Variants in MCTP2 observed in about 807,000 individuals in gnomAD.
The protein encoded by MCTP2 is multiple C2 and transmembrane domain containing 2.
In MCTP2, 132 loss-of-function variants were observed where a neutral mutation model predicts 111.6. The observed-to-expected ratio is 1.18, with a 90% CI of 1.03 to 1.37. The LOEUF (loss-of-function observed/expected upper bound fraction) is 1.37, where lower values mean the gene tolerates loss of function less well. Among genes scored for constraint, MCTP2 ranks in the 40% most tolerant of loss-of-function variants. MCTP2 has a pLI of 0.00. For missense variants in MCTP2, 1,183 were observed against 1,067.9 expected, an observed-to-expected ratio of 1.11 and a Z score of -1.50; for synonymous variants, 395 against 387.7, an observed-to-expected ratio of 1.02 and a Z score of -0.22.
intron 19 of MCTP2, among the ~76,000 whole-genome samples, chr15:94,443,902 A>C (rs2083938004): frequency 7.2e-6 from 1 of 138,970 alleles, no homozygotes; most frequent in East Asian, 2.3e-4. Flanking sequence ...GATGTTAGCT[A>C]GCGGTTTCTG....
chr15:94,466,173 TTAAACA>T (rs1417067366), intron 20 of MCTP2, among the ~76,000 whole-genome samples: 3 of 152,196 alleles, frequency 2.0e-5, no homozygotes, highest in African/African-American at 7.2e-5. Flanking sequence ...TTTTAACATA[TTAAACA>T]TTATGATTTA....
At chr15:94,280,590 A>G (rs895280385) in intron 1 of MCTP2, among the ~76,000 whole-genome samples, 1 of 151,180 alleles carries the variant, frequency 6.6e-6, no homozygotes, top group East Asian at 1.9e-4. Flanking sequence ...TTGTGTCTCA[A>G]TTTGATTCAG....
At chr15:94,363,124 T>G (rs185851366) in intron 10 of MCTP2, among the ~76,000 whole-genome samples, 56 of 152,066 alleles carry the variant, frequency 3.7e-4, no homozygotes, top group African/African-American at 1.1e-3. Flanking sequence ...TAATTTGGAG[T>G]TTTTGACTTT....
intron 19 of MCTP2, among the ~76,000 whole-genome samples, chr15:94,449,531 T>G (rs1324366826): frequency 6.6e-6 from 1 of 152,224 alleles, no homozygotes; most frequent in African/African-American, 2.4e-5. Flanking sequence ...TTTATTGATG[T>G]CTTTGTACCA....
chr15:94,397,105 A>C (rs1479097942), intron 14 of MCTP2, among the ~76,000 whole-genome samples: 1 of 152,180 alleles, frequency 6.6e-6, no homozygotes, highest in Non-Finnish European at 1.5e-5. Flanking sequence ...CAATTTTTAA[A>C]CTTTTTACAG....
intron 1 of MCTP2, among the ~76,000 whole-genome samples, chr15:94,279,580 C>G (rs573826935): frequency 6.6e-6 from 1 of 152,208 alleles, no homozygotes; most frequent in South Asian, 2.1e-4. Flanking sequence ...TTGACTTCCT[C>G]TCTTCCTATT....
chr15:94,429,246 TCAAAGGTAGTGCTC>T (rs1456576423), intron 17 of MCTP2, among the ~76,000 whole-genome samples: 2 of 152,182 alleles, frequency 1.3e-5, no homozygotes, highest in Non-Finnish European at 2.9e-5. Context: ...TATCACTGAT[TCAAAGGTAGTGCTC>T]CAACTGTTAT....
intron 1 of MCTP2, among the ~76,000 whole-genome samples, chr15:94,255,732 C>T (rs16948834): frequency 0.011 from 1,722 of 152,120 alleles, 37 homozygotes; most frequent in African/African-American, 0.039. Context: ...ATTCTGAAGC[C>T]GAGGCAGTTT....
chr15:94,423,214 T>G (rs1419442601), intron 17 of MCTP2, among the ~76,000 whole-genome samples: 1 of 152,182 alleles, frequency 6.6e-6, no homozygotes, highest in Non-Finnish European at 1.5e-5. Context: ...CTTATCCAAT[T>G]TATAAAAACA....
Position 94,393,453 on chromosome 15 carries a change from C to T in MCTP2, c.1789-5508C>T, listed in dbSNP as rs2081105477. ...TCGGGGAAAATGTGTCGGTGTATTACAGCAAACACAACAATTTCAAGATAA... is the reference window on the plus strand; with the variant it reads ...TCGGGGAAAATGTGTCGGTGTATTATAGCAAACACAACAATTTCAAGATAA... On this transcript the variant is annotated intron_variant, in intron 14 of 22. Coordinates refer to ENST00000357742, the MANE Select transcript of MCTP2 (RefSeq NM_001385001.1). Among the ~76,000 whole-genome samples the T allele has an allele frequency of 2.6e-5, 4 of 152,094 alleles. No homozygotes were observed. The South Asian group carries it at 8.3e-4, about 31-fold the overall frequency.
intron 21 of MCTP2, among the ~76,000 whole-genome samples, chr15:94,475,916 C>T (rs2074310915): frequency 6.6e-6 from 1 of 152,286 alleles, no homozygotes; most frequent in East Asian, 1.9e-4. Flanking sequence ...ACGTTCAACC[C>T]GTTTCTAATT....
At chr15:94,318,272 ATTT>A (rs199556945) in intron 4 of MCTP2, among the ~76,000 whole-genome samples, 1 of 143,130 alleles carries the variant, frequency 7.0e-6, no homozygotes, top group Non-Finnish European at 1.5e-5. Context: ...CAAAAAAAAA[ATTT>A]TTTTTTTTTT....
intron 20 of MCTP2, among the ~76,000 whole-genome samples, chr15:94,469,885 GA>G (rs377045995): frequency 0.03 from 4,147 of 139,288 alleles, 134 homozygotes; most frequent in African/African-American, 0.075. Context: ...AGACAAAAAA[GA>G]AAAAAAAAAA....
intron 14 of MCTP2, among the ~76,000 whole-genome samples, chr15:94,394,416 G>A (rs1005626568): frequency 2.0e-5 from 3 of 152,128 alleles, no homozygotes; most frequent in African/African-American, 7.2e-5. Flanking sequence ...CAATTGAAAT[G>A]ATCAAATACG....
intron 10 of MCTP2, among the ~76,000 whole-genome samples, chr15:94,363,005 A>G (rs1596475836): frequency 6.6e-6 from 1 of 152,240 alleles, no homozygotes; most frequent in Non-Finnish European, 1.5e-5. Context: ...GAACAATGGC[A>G]TTTTAAATCT....
chr15:94,428,396 T>A (rs1277310451), intron 17 of MCTP2, among the ~76,000 whole-genome samples: 1 of 152,200 alleles, frequency 6.6e-6, no homozygotes, highest in African/African-American at 2.4e-5. Flanking sequence ...TTGAACTATT[T>A]TTTCTCTCTA....
At chr15:94,458,874 G>C (rs2085008786) in intron 20 of MCTP2, among the ~76,000 whole-genome samples, 1 of 152,124 alleles carries the variant, frequency 6.6e-6, no homozygotes, top group Admixed American at 6.5e-5. Context: ...TAAATGAATG[G>C]GTATGGTATG....
At chr15:94,365,559 G>A (rs1167519421) in intron 10 of MCTP2, among the ~76,000 whole-genome samples, 3 of 152,236 alleles carry the variant, frequency 2.0e-5, no homozygotes, top group African/African-American at 4.8e-5. Context: ...TTAAACAGTC[G>A]CTAGGAAAAT....
intron 1 of MCTP2, among the ~76,000 whole-genome samples, chr15:94,295,481 G>GA (rs1391607568): frequency 6.6e-6 from 1 of 152,110 alleles, no homozygotes; most frequent in Non-Finnish European, 1.5e-5. Flanking sequence ...TGCTCCCACA[G>GA]AAACCACAGT....
Sources: allele counts gnomAD v4.1 joint callset (sites outside exome capture counted in the v4.1 genomes callset), GRCh38; gene constraint gnomAD v4.1.1; transcripts MANE v1.5; gene names NCBI Gene and HGNC (gene_info 2026-07-23, HGNC 2026-07-21).